Variants in ZNF280D observed in about 807,000 individuals in gnomAD.
The protein encoded by ZNF280D is suppressor of hairy wing homolog 4.
ZNF280D carries 39 observed loss-of-function variants against 94.7 expected under a neutral mutation model. The observed-to-expected ratio is 0.41, with a 90% CI of 0.32 to 0.54. ZNF280D has a LOEUF of 0.54. Among genes scored for constraint, ZNF280D ranks in the 20% least tolerant of loss-of-function variants. The pLI is 0.22. For synonymous variants in ZNF280D, 398 were observed against 377.6 expected, an observed-to-expected ratio of 1.05 and a Z score of -0.63; for missense variants, 1,090 against 1,149.3, an observed-to-expected ratio of 0.95 and a Z score of 0.75.
intron 21 of ZNF280D, among the ~76,000 whole-genome samples, chr15:56,632,345 ATCTATCAAC>A (rs1369223222): frequency 6.6e-6 from 1 of 152,124 alleles, no homozygotes; most frequent in Non-Finnish European, 1.5e-5. Flanking sequence ...ACTAAAAGAT[ATCTATCAAC>A]TAGTTTTAGT....
intron 13 of ZNF280D, among the ~76,000 whole-genome samples, chr15:56,670,412 T>C (rs1285183527): frequency 6.6e-6 from 1 of 151,904 alleles, no homozygotes; most frequent in African/African-American, 2.4e-5. Context: ...GTTCTCATCA[T>C]TTAGCTCCCA....
At chr15:56,730,632 A>G (rs1462845663) in intron 1 of ZNF280D, 1 of 152,260 alleles carries the variant, frequency 6.6e-6, no homozygotes, top group African/African-American at 2.4e-5. Flanking sequence ...AAACTTTCAA[A>G]GAAGGCAAAG....
chr15:56,668,951 C>CT lies in ZNF280D; in HGVS notation c.1416dup (p.Gly473ArgfsTer22). ...CTGCATTTTGTACAACGATGTATTC[C>CT]TTTTTTCTGTTTAGAAAAAAACAGA... is the stretch of plus-strand genomic sequence containing the variant. On this transcript the variant is annotated frameshift_variant, in exon 14 of 22. Coordinates refer to ENST00000267807, the MANE Select transcript of ZNF280D (RefSeq NM_017661.4). LOFTEE classifies it high-confidence loss of function. The CT allele has an allele frequency of 6.2e-7, 1 of 1,604,052 alleles. No individual in the cohort carries two copies. Among genetic ancestry groups the CT allele is most frequent in the Non-Finnish European group, 8.5e-7 (1 of 1,176,758 alleles).
chr15:56,722,634 T>G (rs2058425740), intron 1 of ZNF280D, among the ~76,000 whole-genome samples: 1 of 152,226 alleles, frequency 6.6e-6, no homozygotes, highest in Non-Finnish European at 1.5e-5. Flanking sequence ...TTGGTGGGGC[T>G]GTAAACTAGT....
At chr15:56,733,414 T>C in intron 1 of ZNF280D, 44 bp downstream of exon 1, 4 of 1,009,042 alleles carry the variant, frequency 4.0e-6, no homozygotes, top group Non-Finnish European at 4.8e-6. Flanking sequence ...GGAGGGCCTC[T>C]GCCTGCTGCA....
chr15:56,718,093 C>T (rs561326008), intron 1 of ZNF280D, among the ~76,000 whole-genome samples: 48 of 151,424 alleles, frequency 3.2e-4, no homozygotes, highest in African/African-American at 1.0e-3. Flanking sequence ...CTGAAAGATA[C>T]GGAAGATTTT....
At chr15:56,686,157 T>G (rs2055998183) in intron 9 of ZNF280D, among the ~76,000 whole-genome samples, 1 of 152,212 alleles carries the variant, frequency 6.6e-6, no homozygotes, top group Non-Finnish European at 1.5e-5. Context: ...TATTTTATTT[T>G]TGAGACAGTC....
chr15:56,682,573 A>C (rs2055702189), intron 9 of ZNF280D, 96 bp from the exon 10 acceptor site: 6 of 718,830 alleles, frequency 8.3e-6, no homozygotes, highest in African/African-American at 5.7e-5. Flanking sequence ...CTAAGGCCAG[A>C]CCATTAAAAC....
chr15:56,704,616 C>A (rs2057289024), intron 3 of ZNF280D, among the ~76,000 whole-genome samples: 1 of 152,112 alleles, frequency 6.6e-6, no homozygotes, highest in South Asian at 2.1e-4. Flanking sequence ...AATGTATTCA[C>A]AAAAGGCAGA....
At chr15:56,709,149 A>G in intron 1 of ZNF280D, among the ~76,000 whole-genome samples, 1 of 152,236 alleles carries the variant, frequency 6.6e-6, no homozygotes, top group East Asian at 1.9e-4. Context: ...AAAGAACTCA[A>G]ACAAATTTAC....
At chr15:56,676,591 A>T in intron 13 of ZNF280D, 79 bp downstream of exon 13, 1 of 1,304,240 alleles carries the variant, frequency 7.7e-7, no homozygotes, top group Non-Finnish European at 1.0e-6. Context: ...TTGCAGAACA[A>T]ATCTAAAGAT....
intron 4 of ZNF280D, among the ~76,000 whole-genome samples, chr15:56,703,136 G>A (rs1308751812): frequency 6.6e-6 from 1 of 152,086 alleles, no homozygotes; most frequent in Non-Finnish European, 1.5e-5. Context: ...GTATCTGCAC[G>A]TTAATATTAT....
intron 1 of ZNF280D, chr15:56,724,802 A>T (rs1221075880): frequency 5.2e-5 from 21 of 405,942 alleles, no homozygotes; most frequent in South Asian, 2.2e-4. Flanking sequence ...ATGAACAGAC[A>T]CTACAATGTA....
intron 19 of ZNF280D, among the ~76,000 whole-genome samples, chr15:56,650,004 C>T (rs748051410): frequency 6.6e-6 from 1 of 151,946 alleles, no homozygotes; most frequent in African/African-American, 2.4e-5. Context: ...CAAAAAAAAT[C>T]CCATAATGCA....
At chr15:56,674,031 G>T (rs543475951) in intron 13 of ZNF280D, among the ~76,000 whole-genome samples, 2 of 152,076 alleles carry the variant, frequency 1.3e-5, no homozygotes, top group East Asian at 3.9e-4. Context: ...CTACTATAAT[G>T]TAAATTCCAG....
At chr15:56,657,004 C>T (rs186577888) in intron 17 of ZNF280D, among the ~76,000 whole-genome samples, 86 of 152,164 alleles carry the variant, frequency 5.7e-4, no homozygotes, top group African/African-American at 1.9e-3. Context: ...ATAATAAATG[C>T]AAAGGTCTTG....
At chr15:56,704,394 T>A in intron 3 of ZNF280D, 127 bp from the exon 4 acceptor site, 1 of 904,288 alleles carries the variant, frequency 1.1e-6, no homozygotes, top group Non-Finnish European at 1.7e-6. Context: ...AATTGATATT[T>A]GTAGTCAGTA....
intron 16 of ZNF280D, among the ~76,000 whole-genome samples, chr15:56,664,029 T>C (rs1294652638): frequency 6.6e-6 from 1 of 152,212 alleles, no homozygotes; most frequent in Non-Finnish European, 1.5e-5. Context: ...GTAGTCTCTA[T>C]AAAAATTTTT....
intron 1 of ZNF280D, among the ~76,000 whole-genome samples, chr15:56,709,535 T>C (rs1352069584): frequency 5.9e-5 from 9 of 152,324 alleles, no homozygotes; most frequent in Admixed American, 5.2e-4. Flanking sequence ...TTATAAATCA[T>C]GTTGCTATAA....
Sources: allele counts gnomAD v4.1 joint callset (sites outside exome capture counted in the v4.1 genomes callset), GRCh38; gene constraint gnomAD v4.1.1; transcripts MANE v1.5; gene names NCBI Gene and HGNC (gene_info 2026-07-23, HGNC 2026-07-21).